CAMTA1: variants seen among roughly 807,000 people sequenced by gnomAD.
CAMTA1 encodes calmodulin-binding transcription activator 1.
A neutral mutation model predicts 170.9 loss-of-function variants in CAMTA1; 27 were observed. The ratio of observed to expected loss-of-function variants is 0.16; its 90% CI spans 0.12 to 0.22. The LOEUF is 0.22. CAMTA1 is among the 10% of genes least tolerant of loss of function. The pLI, the probability that CAMTA1 is intolerant of heterozygous loss-of-function variation, is 1.00. For synonymous variants in CAMTA1, 833 were observed against 891.5 expected (o/e 0.93, Z 1.17); for missense variants, 1,619 against 2,217.2 (o/e 0.73, Z 5.42).
intron 4 of CAMTA1, among the ~76,000 whole-genome samples, chr1:7,225,488 A>G (rs1025433635): frequency 2.6e-5 from 4 of 152,114 alleles, no homozygotes; most frequent in African/African-American, 9.7e-5. Flanking sequence ...GGAATTCTTC[A>G]TTTAAGGCAT....
intron 11 of CAMTA1, among the ~76,000 whole-genome samples, chr1:7,706,222 C>T (rs985286394): frequency 2.0e-5 from 3 of 152,214 alleles, no homozygotes; most frequent in African/African-American, 7.2e-5. Context: ...AGTATCTAAT[C>T]CCGGAAGCGG....
At position 7,014,074 on chromosome 1, in the gene CAMTA1, G is replaced by T. The variant is rs1700192115; in HGVS notation, c.235-77230G>T. Among the ~76,000 whole-genome samples, 1 of 152,248 alleles carries T rather than the reference G, an allele frequency of 6.6e-6. No homozygotes were observed. The highest frequency in any genetic ancestry group is 2.4e-5 in the African/African-American group (1 of 41,474). ...ATGTGGGAGATAGGGAACCTGTCGA[G>T]TGCGGTTCTGAAGGGCTTGCTCTGC... On this transcript the variant is annotated intron_variant, in intron 3 of 22. Transcript: ENST00000303635. The surrounding 1 kb of genome is among the most constrained non-coding windows in gnomAD (Gnocchi z 4.2).
chr1:7,541,176 G>T (rs1356970084), intron 6 of CAMTA1, among the ~76,000 whole-genome samples: 1 of 152,128 alleles, frequency 6.6e-6, no homozygotes, highest in East Asian at 1.9e-4. Context: ...TTCCTTTCTG[G>T]TTCCCTCCCT....
At chr1:7,449,189 A>G (rs1487164052) in intron 5 of CAMTA1, among the ~76,000 whole-genome samples, 1 of 152,220 alleles carries the variant, frequency 6.6e-6, no homozygotes, top group East Asian at 1.9e-4. Flanking sequence ...TAGACAAACC[A>G]CAAGGCTGAT....
At chr1:6,841,485 T>C (rs186700313) in intron 3 of CAMTA1, among the ~76,000 whole-genome samples, 1 of 152,080 alleles carries the variant, frequency 6.6e-6, no homozygotes, top group Non-Finnish European at 1.5e-5. Context: ...GTGGTTCCAG[T>C]GGAGTGTTGG....
rs949986550 is a variant in CAMTA1 at position 7,010,360 on chromosome 1, G to A, written c.235-80944G>A. ...GGCCCTTGCTTGGTTGAGCTCAGCT[G>A]TGCTCAGTGACTTTGGGCCACGGGC... On this transcript the variant is annotated intron_variant, in intron 3 of 22. Transcript: ENST00000303635. This position sits in a 1 kb window ranked among gnomAD's most constrained non-coding sequence, Gnocchi z 4.4. 7.2e-5 allele frequency among the ~76,000 whole-genome samples: 11 copies of A among 152,218 alleles called. No individual in the cohort carries two copies. Among genetic ancestry groups the A allele is most frequent in the African/African-American group, 2.7e-4 (11 of 41,450 alleles).
intron 7 of CAMTA1, among the ~76,000 whole-genome samples, chr1:7,660,681 G>A (rs1172852257): frequency 6.6e-6 from 1 of 152,230 alleles, no homozygotes; most frequent in Non-Finnish European, 1.5e-5. Context: ...GTTAGCGGCT[G>A]TCCCCCTGGA....
chr1:7,225,544 G>T (rs1661550545), intron 4 of CAMTA1, among the ~76,000 whole-genome samples: 1 of 152,184 alleles, frequency 6.6e-6, no homozygotes, highest in South Asian at 2.1e-4. Context: ...TGGGTGGGGT[G>T]TTGCTGAGAA....
At position 7,682,831 on chromosome 1, in the gene CAMTA1, A is replaced by C. The variant is rs139855140; in HGVS notation, c.2914+5098A>C. On this transcript the variant is annotated intron_variant, in intron 11 of 22. Transcript: ENST00000303635. The surrounding 1 kb of genome is among the most constrained non-coding windows in gnomAD (Gnocchi z 5.0). ...CCCAGCCCACCTCCGAGCAACCCTC[A>C]GCTGGCCCATGAACACATCGCATGA... 5.9e-3 allele frequency among the ~76,000 whole-genome samples: 896 copies of C among 152,310 alleles called. 7 individuals are homozygous for C. Among genetic ancestry groups the C allele is most frequent in the African/African-American group, 0.021 (854 of 41,566 alleles).
intron 5 of CAMTA1, among the ~76,000 whole-genome samples, chr1:7,462,179 G>T (rs1485183921): frequency 6.6e-6 from 1 of 152,230 alleles, no homozygotes; most frequent in African/African-American, 2.4e-5. Flanking sequence ...CCAGGCTGGA[G>T]TGCAATGGTG....
intron 4 of CAMTA1, among the ~76,000 whole-genome samples, chr1:7,096,603 G>A (rs1459929941): frequency 6.6e-6 from 1 of 152,164 alleles, no homozygotes; most frequent in East Asian, 1.9e-4. Flanking sequence ...TGGACTCCAG[G>A]TGGCTCCTTT....
intron 4 of CAMTA1, among the ~76,000 whole-genome samples, chr1:7,236,327 C>T (rs969499406): frequency 7.2e-5 from 11 of 152,332 alleles, no homozygotes; most frequent in South Asian, 4.1e-4. Context: ...GTTCCTTCAT[C>T]GCACTTTTTC....
At chr1:7,230,108 G>T (rs61780005) in intron 4 of CAMTA1, among the ~76,000 whole-genome samples, 224 of 152,232 alleles carry the variant, frequency 1.5e-3, no homozygotes, top group Non-Finnish European at 3.0e-3. Context: ...GGTTCCTAGG[G>T]TGTCCCCCCC....
chr1:7,013,228 T>TTTTTTTTTTTTTTTC, intron 3 of CAMTA1, among the ~76,000 whole-genome samples: 1 of 144,454 alleles, frequency 6.9e-6, no homozygotes, highest in Non-Finnish European at 1.5e-5. Flanking sequence ...TTTTTTTTTT[T>TTTTTTTTTTTTTTTC]TTTTGAGATA....
intron 8 of CAMTA1, among the ~76,000 whole-genome samples, chr1:7,662,848 C>T (rs898871804): frequency 3.3e-5 from 5 of 152,134 alleles, no homozygotes; most frequent in Admixed American, 3.3e-4. Flanking sequence ...CCCCATTGAC[C>T]TCTGGTTGCC....
intron 2 of CAMTA1, 99 bp downstream of exon 2, chr1:6,820,349 C>T: frequency 8.2e-7 from 1 of 1,217,586 alleles, no homozygotes; most frequent in Non-Finnish European, 1.2e-6. Context: ...AGCCCGGACT[C>T]AGAAGACCTG....
At chr1:6,902,078 A>AAAAAAAAAT (rs1289084830) in intron 3 of CAMTA1, among the ~76,000 whole-genome samples, 2 of 86,496 alleles carry the variant, frequency 2.3e-5, no homozygotes, top group African/African-American at 7.0e-5. Flanking sequence ...CACACAAAAA[A>AAAAAAAAAT]AAAAATAAAA....
chr1:7,400,212 T>C (rs2089784228), intron 5 of CAMTA1, among the ~76,000 whole-genome samples: 1 of 152,344 alleles, frequency 6.6e-6, no homozygotes, highest in East Asian at 1.9e-4. Flanking sequence ...AAAAGACATG[T>C]CTTTAAGTTT....
In CAMTA1 at chr1:7,665,802, G is replaced by A. The variant is rs2095996305; in HGVS notation, c.2652+603G>A. Among the ~76,000 whole-genome samples, 1 of 152,094 alleles carries A rather than the reference G, an allele frequency of 6.6e-6. No homozygotes were observed. The highest frequency in any genetic ancestry group is 2.4e-5 in the African/African-American group (1 of 41,414). ...AGTCGTCTGCCGTTTCTCAATTTAT[G>A]TGTTGAGTCCATCTATGTTTTGCTT... is the stretch of plus-strand genomic sequence containing the variant. On this transcript the variant is annotated intron_variant, in intron 9 of 22. Transcript: ENST00000303635. This position sits in a 1 kb window ranked among gnomAD's most constrained non-coding sequence, Gnocchi z 4.3.
Sources: allele counts gnomAD v4.1 joint callset (sites outside exome capture counted in the v4.1 genomes callset), GRCh38; gene constraint gnomAD v4.1.1; non-coding constraint Gnocchi (gnomAD v3.1); transcripts MANE v1.5; gene names NCBI Gene and HGNC (gene_info 2026-07-23, HGNC 2026-07-21).